Variants in TADA2A observed in about 807,000 individuals in gnomAD.
The protein encoded by TADA2A is transcriptional adaptor 2A.
A neutral mutation model predicts 67.4 loss-of-function variants in TADA2A; 38 were observed. That is an observed-to-expected ratio of 0.56 (90% confidence interval 0.44 to 0.74). The LOEUF is 0.74. Ranked by LOEUF, TADA2A falls within the 30% of genes least tolerant of loss-of-function variation. The pLI is 0.00. For synonymous variants in TADA2A, 192 were observed against 181.6 expected (o/e 1.06, Z -0.46); for missense variants, 454 against 547.0 (o/e 0.83, Z 1.70).
At chr17:37,409,782 A>G (rs1852451824) in intron 1 of TADA2A, among the ~76,000 whole-genome samples, 1 of 142,120 alleles carries the variant, frequency 7.0e-6, no homozygotes, top group Admixed American at 7.6e-5. Context: ...AAAAACAAAA[A>G]CAAAAACAAA....
chr17:37,459,213 G>A (rs1056763940), intron 9 of TADA2A, among the ~76,000 whole-genome samples: 2 of 150,674 alleles, frequency 1.3e-5, no homozygotes, highest in African/African-American at 2.4e-5. Flanking sequence ...AAAAGAACAA[G>A]ATAAAATAAA....
chr17:37,451,150 C>T (rs2053220898), intron 8 of TADA2A, among the ~76,000 whole-genome samples: 1 of 152,032 alleles, frequency 6.6e-6, no homozygotes, highest in Admixed American at 6.6e-5. Flanking sequence ...GCCTTAGCCT[C>T]ACAAGTAGCT....
At chr17:37,445,453 A>G (rs989892896) in intron 8 of TADA2A, among the ~76,000 whole-genome samples, 17 of 152,070 alleles carry the variant, frequency 1.1e-4, no homozygotes, top group African/African-American at 3.6e-4. Flanking sequence ...TTTATTAGAG[A>G]TGGGGTTTCG....
At chr17:37,431,250 A>G (rs1325442350) in intron 4 of TADA2A, among the ~76,000 whole-genome samples, 2 of 152,124 alleles carry the variant, frequency 1.3e-5, no homozygotes, top group Admixed American at 6.6e-5. Flanking sequence ...TGACCATTTT[A>G]TTATCTCCCA....
rs1050136482 is a variant in TADA2A, at chr17:37,440,004, C to T, written c.285-501C>T. 4.7e-5 allele frequency among the ~76,000 whole-genome samples: 7 copies of T among 148,884 alleles called. No individual in the cohort carries two copies. The South Asian group carries it at 6.4e-4, about 14-fold the overall frequency. On this transcript the variant is annotated intron_variant, in intron 5 of 15. Transcript: ENST00000615182. The stretch of plus-strand genomic sequence containing the variant: ...TGTTGCCCAGACTGGAGTGCAATGG[C>T]GTGATCTCTGCTCACTGCAACCTTT...
chr17:37,439,785 TTAG>T (rs1248029450), intron 5 of TADA2A, among the ~76,000 whole-genome samples: 1 of 152,098 alleles, frequency 6.6e-6, no homozygotes, highest in Non-Finnish European at 1.5e-5. Flanking sequence ...CCGTAAAATA[TTAG>T]GCAAAATAAA....
At chr17:37,470,761 G>A (rs755556685) in intron 13 of TADA2A, among the ~76,000 whole-genome samples, 1 of 152,086 alleles carries the variant, frequency 6.6e-6, no homozygotes, top group South Asian at 2.1e-4. Context: ...TAAAATGAGT[G>A]TATTTTCCCC....
intron 5 of TADA2A, 68 bp downstream of exon 5, chr17:37,437,897 A>G: frequency 7.0e-7 from 1 of 1,437,964 alleles, no homozygotes; most frequent in South Asian, 1.2e-5. Flanking sequence ...GTTGAAGAGT[A>G]AAGGAAGGAA....
chr17:37,465,533 G>T lies in TADA2A; in HGVS notation c.815G>T (p.Ser272Ile). Reference protein sequence around the residue: ...GPVEHDKFIESHALEFELRRE... With the variant: ...GPVEHDKFIEIHALEFELRRE... ...GTGGAACATGACAAATTCATTGAAA[G>T]CCATGCATGTAGGTGGTTTTTGAGC... Residue 272 changes from serine (S) to isoleucine (I), a missense_variant, in exon 11 of 16, where the codon AGC (serine) becomes ATC (isoleucine). By Grantham distance (142) the Ser-to-Ile change is moderately radical (BLOSUM62 -2). This residue lies in a region of TADA2A where 403 missense variants were observed against 455.5 expected (regional missense o/e 0.88). Transcript: ENST00000615182. 1.9e-6 allele frequency: 3 copies of T among 1,614,114 alleles called. No homozygotes were observed. The highest frequency in any genetic ancestry group is 2.5e-6 in the Non-Finnish European group (3 of 1,180,030).
chr17:37,435,368 A>C (rs2147954349), intron 4 of TADA2A, among the ~76,000 whole-genome samples: 1 of 152,236 alleles, frequency 6.6e-6, no homozygotes, highest in East Asian at 1.9e-4. Context: ...GGCTCACCGC[A>C]AGCTCCACCT....
chr17:37,419,470 C>T (rs2052162281), intron 2 of TADA2A, among the ~76,000 whole-genome samples: 1 of 146,268 alleles, frequency 6.8e-6, no homozygotes, highest in Non-Finnish European at 1.5e-5. Flanking sequence ...CACCGTGGCC[C>T]GTGCAGTAAT....
At chr17:37,461,844 A>G in intron 9 of TADA2A, 2 of 388,632 alleles carry the variant, frequency 5.1e-6, no homozygotes, top group East Asian at 8.6e-5. Context: ...TCGTTCAGCA[A>G]ATAGTCATGG....
Position 37,410,462 on chromosome 17 carries a change from C to A in TADA2A, c.-97-807C>A, listed in dbSNP as rs890860884. 3.9e-5 allele frequency among the ~76,000 whole-genome samples: 6 copies of A among 151,982 alleles called. No homozygotes were observed. The East Asian group carries it at 1.2e-3, about 29-fold the overall frequency. ...GAGTGCTGGGATTACAGGCATGAGC[C>A]ACTGTGCCTGGCCCTGTTACGTACT... On this transcript the variant is annotated intron_variant, in intron 1 of 15. Transcript: ENST00000615182.
intron 5 of TADA2A, 23 bp from the exon 6 acceptor site, chr17:37,440,482 C>G (rs746836807): frequency 1.9e-6 from 3 of 1,611,784 alleles, no homozygotes; most frequent in African/African-American, 2.7e-5. Context: ...TACCACTTCT[C>G]TCTTTTTCCC....
At chr17:37,423,481 A>G (rs926724803) in intron 2 of TADA2A, 28 bp from the exon 3 acceptor site, 38 of 1,548,206 alleles carry the variant, frequency 2.5e-5, no homozygotes, top group Non-Finnish European at 3.3e-5. Context: ...GTGGTCTGAA[A>G]TGTGCATTTG....
intron 4 of TADA2A, among the ~76,000 whole-genome samples, chr17:37,429,083 CAG>C (rs927659530): frequency 4.7e-5 from 7 of 150,442 alleles, no homozygotes; most frequent in Admixed American, 6.6e-5. Context: ...ATTTTGTAGA[CAG>C]GGGTCTAGGG....
At chr17:37,443,690 C>G (rs925358705) in intron 7 of TADA2A, among the ~76,000 whole-genome samples, 1 of 152,116 alleles carries the variant, frequency 6.6e-6, no homozygotes, top group Non-Finnish European at 1.5e-5. Flanking sequence ...TGTAACTATA[C>G]TTTGTCATTA....
rs2052270998 is a variant in TADA2A, at chr17:37,422,484, T to TGATGATGATGATG, written c.26-1025_26-1024insGATGATGATGATG. Reference sequence around the variant, plus strand: ...GCGTGAGCCACCATGCCCAGCTGATTATTATTATTATTATTATTATTATTA... The same window carrying TGATGATGATGATG: ...GCGTGAGCCACCATGCCCAGCTGATTGATGATGATGATGATTATTATTATTATTATTATTATTA... On this transcript the variant is annotated intron_variant, in intron 2 of 15. Transcript: ENST00000615182. 7.6e-3 allele frequency among the ~76,000 whole-genome samples: 654 copies of TGATGATGATGATG among 85,652 alleles called. 5 individuals carry two copies. Among genetic ancestry groups the TGATGATGATGATG allele is most frequent in the African/African-American group, 0.028 (580 of 20,510 alleles). The allele number at this position is 85,652 out of a possible 152,430, so 56.2% of individuals were successfully genotyped here.
At chr17:37,417,004 A>G (rs896547528) in intron 2 of TADA2A, among the ~76,000 whole-genome samples, 1 of 152,204 alleles carries the variant, frequency 6.6e-6, no homozygotes, top group Non-Finnish European at 1.5e-5. Flanking sequence ...CTGTGTATCA[A>G]AAACCTAAAA....
Sources: allele counts gnomAD v4.1 joint callset (sites outside exome capture counted in the v4.1 genomes callset), GRCh38; gene constraint gnomAD v4.1.1; regional missense constraint gnomAD v4.1.1; transcripts MANE v1.5; gene names NCBI Gene and HGNC (gene_info 2026-07-23, HGNC 2026-07-21).